The following CELF4 variants were observed in gnomAD, a reference collection of about 807,000 sequenced individuals.
The protein encoded by CELF4 is CUG-BP- and ETR-3-like factor 4.
In CELF4, 18 loss-of-function variants were observed where a neutral mutation model predicts 59.9. The observed-to-expected ratio is 0.30, with a 90% CI of 0.21 to 0.45. The LOEUF (loss-of-function observed/expected upper bound fraction) is 0.45, where lower values mean the gene tolerates loss of function less well. CELF4 is among the 20% of genes least tolerant of loss of function. The pLI is 1.00. For missense variants in CELF4, 456 were observed against 689.0 expected (o/e 0.66, Z 3.79); for synonymous variants, 261 against 267.1 (o/e 0.98, Z 0.22).
Position 37,353,028 on chromosome 18 carries a change from T to C in CELF4, c.370-31147A>G, listed in dbSNP as rs575058913. 5.5e-3 allele frequency among the ~76,000 whole-genome samples: 841 copies of C among 152,180 alleles called. 5 individuals carry two copies. The highest frequency in any genetic ancestry group is 0.018 in the African/African-American group (752 of 41,526). ...GGAAGTCAGGAGATCGAGACCATCCTGGCTAACACGGTGAAACCCTGTCTC... is the reference window on the plus strand; with the variant it reads ...GGAAGTCAGGAGATCGAGACCATCCCGGCTAACACGGTGAAACCCTGTCTC... On this transcript the variant is annotated intron_variant, in intron 2 of 12. Transcript: ENST00000420428.
chr18:37,556,730 T>C (rs1167210516), intron 1 of CELF4, among the ~76,000 whole-genome samples: 1 of 152,208 alleles, frequency 6.6e-6, no homozygotes, highest in Non-Finnish European at 1.5e-5. Flanking sequence ...AAAGGGAAAC[T>C]GGCTAGCTGG....
chr18:37,476,142 T>C (rs979645391), intron 2 of CELF4, among the ~76,000 whole-genome samples: 1 of 152,244 alleles, frequency 6.6e-6, no homozygotes, highest in African/African-American at 2.4e-5. Context: ...CCACAGCATA[T>C]AAAGGGCGCA....
chr18:37,360,847 G>A (rs1418590533), intron 2 of CELF4, among the ~76,000 whole-genome samples: 1 of 152,232 alleles, frequency 6.6e-6, no homozygotes, highest in Non-Finnish European at 1.5e-5. Context: ...AATGCGTGGA[G>A]CTATGTGATT....
At chr18:37,374,194 C>T (rs566588918) in intron 2 of CELF4, among the ~76,000 whole-genome samples, 1 of 152,354 alleles carries the variant, frequency 6.6e-6, no homozygotes, top group East Asian at 1.9e-4. Context: ...CACTCTCCAC[C>T]TCACCATGCA....
Position 37,565,769 on chromosome 18 carries a change from C to A in CELF4, c.-128G>T. The stretch of plus-strand genomic sequence containing the variant: ...TTCTCTCCCCCTCGGTTTCTCTACA[C>A]CTCGCTCTCCGCTCGCTCTCTGCTC... On this transcript the variant is annotated 5_prime_UTR_variant, in exon 1 of 13. Coordinates refer to ENST00000420428, the MANE Select transcript of CELF4 (RefSeq NM_020180.4). 1 of 643,036 alleles carries A rather than the reference C, an allele frequency of 1.6e-6. No individual in the cohort carries two copies. Among genetic ancestry groups the A allele is most frequent in the Non-Finnish European group, 2.4e-6 (1 of 409,222 alleles). 39.8% of individuals were successfully genotyped at this position (643,036 alleles called of 1,614,324 possible).
At chr18:37,454,100 C>T (rs1198989779) in intron 2 of CELF4, among the ~76,000 whole-genome samples, 3 of 152,126 alleles carry the variant, frequency 2.0e-5, no homozygotes, top group African/African-American at 7.2e-5. Context: ...TCCAGACAGA[C>T]CTATCATATT....
chr18:37,350,375 G>C (rs567336274), intron 2 of CELF4, among the ~76,000 whole-genome samples: 1 of 152,090 alleles, frequency 6.6e-6, no homozygotes, highest in African/African-American at 2.4e-5. Flanking sequence ...AATAGACCAC[G>C]CGCGCTCCTC....
chr18:37,325,464 C>T (rs920621711), intron 2 of CELF4, among the ~76,000 whole-genome samples: 2 of 152,226 alleles, frequency 1.3e-5, no homozygotes, highest in African/African-American at 4.8e-5. Context: ...TGTCTGGAGG[C>T]TTCCACCCTA....
At chr18:37,539,614 C>G (rs1364150195) in intron 1 of CELF4, among the ~76,000 whole-genome samples, 4 of 151,106 alleles carry the variant, frequency 2.6e-5, no homozygotes, top group African/African-American at 9.7e-5. Flanking sequence ...TTCACTCATG[C>G]ACTCTTGTTA....
At chr18:37,346,032 TGGCGCCC>T (rs1293072959) in intron 2 of CELF4, among the ~76,000 whole-genome samples, 17 of 152,196 alleles carry the variant, frequency 1.1e-4, no homozygotes, top group Non-Finnish European at 2.4e-4. Flanking sequence ...TTACTCCAAA[TGGCGCCC>T]TCCTGGGGAG....
chr18:37,252,704 G>A (rs59974844), intron 12 of CELF4, among the ~76,000 whole-genome samples: 24,155 of 145,272 alleles, frequency 0.17, 2,332 homozygotes, highest in African/African-American at 0.26. Context: ...TGGTTTAACT[G>A]TAGCCAACAA....
chr18:37,483,438 T>C (rs1056847901), intron 2 of CELF4, among the ~76,000 whole-genome samples: 3 of 152,150 alleles, frequency 2.0e-5, no homozygotes, highest in Admixed American at 2.0e-4. Flanking sequence ...GTGAAGCCTT[T>C]GAAGAAGGGA....
chr18:37,519,878 C>T lies in CELF4; in HGVS notation c.287-34271G>A, dbSNP rs185047966. Among the ~76,000 whole-genome samples the T allele has an allele frequency of 9.8e-5, 15 of 152,286 alleles. No homozygotes were observed. In the East Asian group the frequency reaches 2.9e-3, roughly 29 times the overall value. On this transcript the variant is annotated intron_variant, in intron 1 of 12. Coordinates refer to ENST00000420428, the MANE Select transcript of CELF4 (RefSeq NM_020180.4). ...CTCTGGGAGGCAGTGAGGCAGGGGG[C>T]CTGAGCCAGGAAAAGGGACTGGAAT...
chr18:37,253,724 C>G lies in CELF4; in HGVS notation c.*44+43G>C. 3 of 1,459,156 alleles carry G rather than the reference C, an allele frequency of 2.1e-6. No individual in the cohort carries two copies. The highest frequency in any genetic ancestry group is 2.8e-6 in the Non-Finnish European group (3 of 1,086,282). 90.4% of individuals were successfully genotyped at this position (1,459,156 alleles called of 1,614,324 possible). On this transcript the variant is annotated intron_variant, in intron 12 of 12. Coordinates refer to ENST00000420428, the MANE Select transcript of CELF4 (RefSeq NM_020180.4). The surrounding 1 kb of genome is among the most constrained non-coding windows in gnomAD (Gnocchi z 4.5). ...GAGGAGGCGGCGGGTCCGTCTGGTT[C>G]CCTCCCAACCCCCGTCCCCGCGCCC...
intron 2 of CELF4, among the ~76,000 whole-genome samples, chr18:37,475,037 C>T (rs548584137): frequency 3.7e-4 from 56 of 152,340 alleles, no homozygotes; most frequent in African/African-American, 1.3e-3. Flanking sequence ...GGTGGGATGA[C>T]TCCAAGGAGT....
intron 2 of CELF4, among the ~76,000 whole-genome samples, chr18:37,378,002 T>C (rs1358008903): frequency 6.6e-6 from 1 of 152,104 alleles, no homozygotes; most frequent in Non-Finnish European, 1.5e-5. Context: ...CTTCTCCTCC[T>C]CCCTGCGCCC....
At chr18:37,544,850 T>C (rs1425337229) in intron 1 of CELF4, among the ~76,000 whole-genome samples, 1 of 152,116 alleles carries the variant, frequency 6.6e-6, no homozygotes, top group African/African-American at 2.4e-5. Flanking sequence ...TAGGGGATAC[T>C]CAGGAGGGTG....
rs899397929 is a variant in CELF4 at position 37,561,924 on chromosome 18, A to G, written c.286+3432T>C. ...GTGCTCTAATAGGGGAGAAAAGAAG[A>G]CTCTGAGTTGGTCAGGAGAGTTTGC... On this transcript the variant is annotated intron_variant, in intron 1 of 12. Transcript: ENST00000420428. 4.6e-5 allele frequency among the ~76,000 whole-genome samples: 7 copies of G among 152,176 alleles called. No individual in the cohort carries two copies. In the East Asian group the frequency reaches 1.4e-3, roughly 29 times the overall value.
At chr18:37,515,940 T>C (rs942151621) in intron 1 of CELF4, among the ~76,000 whole-genome samples, 7 of 152,124 alleles carry the variant, frequency 4.6e-5, no homozygotes, top group South Asian at 4.1e-4. Flanking sequence ...TTCTTCATTG[T>C]AGCATCCCAG....
Sources: gnomAD v4.1 joint callset for allele counts (sites outside exome capture counted in the v4.1 genomes callset) on GRCh38, gnomAD v4.1.1 for gene constraint, Gnocchi (gnomAD v3.1) non-coding constraint, MANE v1.5 for transcripts, NCBI Gene and HGNC (gene_info 2026-07-23, HGNC 2026-07-21) for gene names.